The following NRK variants were observed in gnomAD, a reference collection of about 807,000 sequenced individuals.
NRK encodes the protein Nik related kinase.
In NRK, 67 loss-of-function variants were observed where a neutral mutation model predicts 125.2. The observed-to-expected ratio is 0.54, with a 90% CI of 0.44 to 0.66. NRK has a LOEUF of 0.66. Ranked by LOEUF, NRK falls within the 30% of genes least tolerant of loss-of-function variation. The pLI is 0.00. For synonymous variants in NRK, 458 were observed against 429.0 expected (o/e 1.07, Z -0.84); for missense variants, 1,224 against 1,192.9 (o/e 1.03, Z -0.38).
intron 2 of NRK, among the ~76,000 whole-genome samples, chrX:105,851,197 A>C (rs908149865): frequency 3.6e-5 from 4 of 112,069 alleles, no homozygotes; most frequent in Non-Finnish European, 7.5e-5. Context: ...GTAAGGGTGC[A>C]CACCAAAATC....
intron 8 of NRK, 112 bp downstream of exon 8, chrX:105,898,826 A>G (rs1341167858): frequency 5.4e-6 from 3 of 553,961 alleles, no homozygotes; most frequent in Non-Finnish European, 8.0e-6. Flanking sequence ...CACATTTTAC[A>G]TTAAATGCTA....
chrX:105,890,121 A>G (rs1339397970), intron 5 of NRK, among the ~76,000 whole-genome samples: 4 of 111,600 alleles, frequency 3.6e-5, no homozygotes, highest in African/African-American at 6.5e-5. Context: ...ACCCTAAATT[A>G]TCTCTCTCAA....
rs1304441045 is a variant in NRK, at chrX:105,850,607, G to T, written c.123+19488G>T. Among the ~76,000 whole-genome samples the T allele has an allele frequency of 8.9e-5, 10 of 112,045 alleles. No individual in the cohort carries two copies. In the Admixed American group the frequency reaches 9.5e-4, roughly 11 times the overall value. On this transcript the variant is annotated intron_variant, in intron 2 of 28. Coordinates refer to ENST00000243300, the MANE Select transcript of NRK (RefSeq NM_198465.4). ...ACCCAAGTCACCTTTTGAATGCTTT[G>T]CTGCTTAGAAGTTTCTTTGGCCAGA...
rs1475674235 is a variant in NRK, at chrX:105,831,895, C to T, written c.123+776C>T. On this transcript the variant is annotated intron_variant, in intron 2 of 28. Coordinates refer to ENST00000243300, the MANE Select transcript of NRK (RefSeq NM_198465.4). ...TTTTGTTCTTGTCATTATTCCCTAA[C>T]CAATAAAGTGTAACAACTATTTATA... Among the ~76,000 whole-genome samples, 3 of 111,656 alleles carry T rather than the reference C, an allele frequency of 2.7e-5. No individual in the cohort carries two copies. In the East Asian group the frequency reaches 8.4e-4, roughly 31 times the overall value.
In NRK at chrX:105,931,130, C is replaced by T. The variant is rs753057639; in HGVS notation, c.3313-3128C>T. On this transcript the variant is annotated intron_variant, in intron 19 of 28. Coordinates refer to ENST00000243300, the MANE Select transcript of NRK (RefSeq NM_198465.4). ...TGCAAGTGCACAGCAGTTAAGCCAG[C>T]CTAGAGTTGGCTTCGCCAATGTGCA... Among the ~76,000 whole-genome samples the T allele has an allele frequency of 3.0e-4, 34 of 112,712 alleles. 1 individual carries two copies. The highest frequency in any genetic ancestry group is 5.6e-4 in the Non-Finnish European group (30 of 53,315).
At chrX:105,904,428 G>T (rs987221010) in intron 9 of NRK, among the ~76,000 whole-genome samples, 1 of 111,913 alleles carries the variant, frequency 8.9e-6, no homozygotes, top group African/African-American at 3.2e-5. Flanking sequence ...CAGTCTCAAA[G>T]TGCCATAGAG....
At position 105,909,718 on chromosome X, in the gene NRK, C is replaced by A; in HGVS notation, c.2077C>A (p.Gln693Lys). ...AAAATCAAAAGTTTCTACTCTGAGG[C>A]AAGCACTGGCAAAAAGACTATCACC... ...EKKSKVSTLR[Q>K]ALAKRLSPKR... The change falls in exon 13 of 29, where the codon CAA becomes AAA. Residue 693 changes from glutamine (Q) to lysine (K), a missense_variant. Coordinates refer to ENST00000243300, the MANE Select transcript of NRK (RefSeq NM_198465.4). 2 of 1,182,119 alleles carry A rather than the reference C, an allele frequency of 1.7e-6. No homozygotes were observed. The highest frequency in any genetic ancestry group is 2.3e-6 in the Non-Finnish European group (2 of 879,550).
chrX:105,924,992 G>A lies in NRK; in HGVS notation c.3273G>A (p.Leu1091=). The part of the protein sequence containing the change: ...ENCSETDGPG[L]KRPASQDFEY... ...GCTCAGAGACAGATGGTCCAGGATT[G>A]AAGAGACCTGCGTCTCAGGACTTTG... is the stretch of plus-strand genomic sequence containing the variant. The change falls in exon 19 of 29, where the codon TTG becomes TTA. Residue 1091 remains leucine, a synonymous_variant. Coordinates refer to ENST00000243300, the MANE Select transcript of NRK (RefSeq NM_198465.4). 2.5e-6 allele frequency: 3 copies of A among 1,210,076 alleles called. No individual in the cohort carries two copies. In the South Asian group the frequency reaches 5.3e-5, roughly 21 times the overall value.
At chrX:105,827,229 A>G (rs771196143) in intron 1 of NRK, among the ~76,000 whole-genome samples, 22 of 111,525 alleles carry the variant, frequency 2.0e-4, no homozygotes, top group Admixed American at 5.7e-4. Flanking sequence ...TTCTCTCTCC[A>G]TAAACTCTTT....
intron 5 of NRK, among the ~76,000 whole-genome samples, chrX:105,889,329 C>G (rs1393504175): frequency 2.6e-5 from 2 of 77,451 alleles, no homozygotes; most frequent in Non-Finnish European, 4.8e-5. Flanking sequence ...CCAACTCTGC[C>G]TCTGTGGCTT....
chrX:105,920,438 T>C (rs1312086314), intron 16 of NRK, among the ~76,000 whole-genome samples: 1 of 104,909 alleles, frequency 9.5e-6, no homozygotes, highest in Non-Finnish European at 1.9e-5. Context: ...AAGAAAGGCA[T>C]TGGTAGCTTG....
chrX:105,934,096 C>T (rs1308950411), intron 19 of NRK, among the ~76,000 whole-genome samples, 162 bp from the exon 20 acceptor site: 1 of 111,315 alleles, frequency 9.0e-6, no homozygotes, highest in Non-Finnish European at 1.9e-5. Context: ...TAGTTTTCTC[C>T]TTCTGATGAC....
chrX:105,895,646 C>T, intron 7 of NRK, 123 bp downstream of exon 7: 1 of 486,244 alleles, frequency 2.1e-6, no homozygotes, highest in Non-Finnish European at 3.4e-6. Flanking sequence ...TGGGTTTTCC[C>T]TGCCTGCAAA....
intron 9 of NRK, among the ~76,000 whole-genome samples, chrX:105,902,720 A>G (rs981309466): frequency 7.2e-5 from 8 of 111,886 alleles, no homozygotes; most frequent in Non-Finnish European, 1.5e-4. Context: ...CAGCAACGGC[A>G]TTAGATTCTT....
chrX:105,948,570 T>G, intron 26 of NRK: 1 of 443,705 alleles, frequency 2.3e-6, no homozygotes. Context: ...CAGATTTTAT[T>G]AAGACAACCT....
intron 19 of NRK, among the ~76,000 whole-genome samples, chrX:105,929,589 A>G (rs894491873): frequency 4.6e-5 from 5 of 109,340 alleles, no homozygotes; most frequent in Non-Finnish European, 7.6e-5. Flanking sequence ...TTTTTTTTCT[A>G]TTCTCTTATT....
chrX:105,828,139 A>C (rs1044331212), intron 1 of NRK, among the ~76,000 whole-genome samples: 6 of 112,271 alleles, frequency 5.3e-5, no homozygotes, highest in Admixed American at 9.5e-5. Flanking sequence ...TTTAACGTTT[A>C]GTCTTGAAAG....
At chrX:105,853,782 G>A (rs1431174435) in intron 2 of NRK, among the ~76,000 whole-genome samples, 8 of 111,964 alleles carry the variant, frequency 7.1e-5, no homozygotes, top group South Asian at 3.7e-4. Context: ...GCATGTCTTC[G>A]CAAATTAATA....
Position 105,822,585 on chromosome X carries a change from C to G in NRK, c.-261C>G. Reference sequence around the variant, plus strand: ...GAGCACCCTTCTAGCTTCTTCGTCTCCAGGACTGACGCTCAGGCTCCTCTC... The same window carrying G: ...GAGCACCCTTCTAGCTTCTTCGTCTGCAGGACTGACGCTCAGGCTCCTCTC... On this transcript the variant is annotated 5_prime_UTR_variant, in exon 1 of 29. Coordinates refer to ENST00000243300, the MANE Select transcript of NRK (RefSeq NM_198465.4). 2 of 421,777 alleles carry G rather than the reference C, an allele frequency of 4.7e-6. No homozygotes were observed. The highest frequency in any genetic ancestry group is 6.7e-5 in the South Asian group (2 of 29,850). 34.8% of individuals were successfully genotyped at this position (421,777 alleles called of 1,213,427 possible).
Sources: allele counts gnomAD v4.1 joint callset (sites outside exome capture counted in the v4.1 genomes callset), GRCh38; gene constraint gnomAD v4.1.1; transcripts MANE v1.5; gene names NCBI Gene and HGNC (gene_info 2026-07-23, HGNC 2026-07-21).